NDUFA12: variants seen among roughly 807,000 people sequenced by gnomAD.
NDUFA12 encodes the protein NADH:ubiquinone oxidoreductase subunit A12.
In NDUFA12, 17 loss-of-function variants were observed where a neutral mutation model predicts 20.3. That is an observed-to-expected ratio of 0.84 (90% CI 0.57 to 1.26). The LOEUF (loss-of-function observed/expected upper bound fraction) is 1.26, where lower values mean the gene tolerates loss of function less well. Among genes scored for constraint, NDUFA12 ranks in the 50% most tolerant of loss-of-function variants. The pLI, the probability that NDUFA12 is intolerant of heterozygous loss-of-function variation, is 0.00. For missense variants in NDUFA12, 191 were observed against 183.7 expected, an observed-to-expected ratio of 1.04 and a Z score of -0.23; for synonymous variants, 72 against 63.6, an observed-to-expected ratio of 1.13 and a Z score of -0.63.
In NDUFA12 at chr12:94,971,339, C is replaced by G. The variant is rs1189115403; in HGVS notation, c.*101G>C. On this transcript the variant is annotated 3_prime_UTR_variant, in exon 4 of 4. Coordinates refer to ENST00000327772, the MANE Select transcript of NDUFA12 (RefSeq NM_018838.5). ...AAAGGCACGAAAGACATTGTTTAGTCACACAATTTTAATTGTGAATTATAG... is the reference window on the plus strand; with the variant it reads ...AAAGGCACGAAAGACATTGTTTAGTGACACAATTTTAATTGTGAATTATAG... The G allele has an allele frequency of 1.5e-6, 2 of 1,346,654 alleles. No homozygotes were observed. The highest frequency in any genetic ancestry group is 2.1e-6 in the Non-Finnish European group (2 of 943,980). The allele number at this position is 1,346,654 out of a possible 1,614,324, so 83.4% of individuals were successfully genotyped here.
chr12:94,989,678 C>G (rs1233311067), intron 3 of NDUFA12, among the ~76,000 whole-genome samples: 5 of 152,226 alleles, frequency 3.3e-5, no homozygotes, highest in African/African-American at 4.8e-5. Context: ...TGCCCTTAGG[C>G]ACCTGCTGGA....
rs572598340 is a variant in NDUFA12, at chr12:94,996,106, G to A, written c.170-1849C>T. On this transcript the variant is annotated intron_variant, in intron 2 of 3. Transcript: ENST00000327772. ...GCCTGTAGTCCCAGCTACTCTCAAG[G>A]CTGAGGTGAGAGGATCACTTGAGCA... Among the ~76,000 whole-genome samples the A allele has an allele frequency of 8.2e-4, 124 of 151,870 alleles. 1 individual carries two copies. Among genetic ancestry groups the A allele is most frequent in the Non-Finnish European group, 1.4e-3 (98 of 67,970 alleles).
At chr12:94,978,897 A>G (rs954421687) in intron 3 of NDUFA12, among the ~76,000 whole-genome samples, 1 of 152,216 alleles carries the variant, frequency 6.6e-6, no homozygotes, top group African/African-American at 2.4e-5. Flanking sequence ...AAACACTCGA[A>G]CTGACACAGT....
intron 3 of NDUFA12, among the ~76,000 whole-genome samples, chr12:94,980,922 C>T (rs1027052309): frequency 6.6e-6 from 1 of 151,896 alleles, no homozygotes. Context: ...TAATTTTATA[C>T]AGCCGTGCAT....
At chr12:94,990,411 C>T (rs1019676624) in intron 3 of NDUFA12, among the ~76,000 whole-genome samples, 3 of 152,112 alleles carry the variant, frequency 2.0e-5, no homozygotes, top group East Asian at 3.8e-4. Flanking sequence ...TGCTTTCTCA[C>T]GGTAAGAACC....
At chr12:94,977,670 G>C (rs1194406231) in intron 3 of NDUFA12, among the ~76,000 whole-genome samples, 1 of 152,092 alleles carries the variant, frequency 6.6e-6, no homozygotes, top group Non-Finnish European at 1.5e-5. Flanking sequence ...GAAGAAAACT[G>C]ATTATCATAC....
At chr12:94,996,627 G>A (rs1874841612) in intron 2 of NDUFA12, among the ~76,000 whole-genome samples, 1 of 151,740 alleles carries the variant, frequency 6.6e-6, no homozygotes, top group Non-Finnish European at 1.5e-5. Flanking sequence ...AGACCAGCCT[G>A]ACCAACATAG....
chr12:94,983,616 AATTGCTGTGAG>A (rs1874313932), intron 3 of NDUFA12, among the ~76,000 whole-genome samples: 1 of 152,176 alleles, frequency 6.6e-6, no homozygotes, highest in Admixed American at 6.5e-5. Flanking sequence ...GCTACACTCA[AATTGCTGTGAG>A]ATAACATTTA....
intron 3 of NDUFA12, among the ~76,000 whole-genome samples, chr12:94,975,030 A>G (rs980574204): frequency 1.1e-4 from 17 of 152,258 alleles, no homozygotes; most frequent in African/African-American, 4.1e-4. Flanking sequence ...GATTGTTTGT[A>G]ACACAAAGGA....
Position 94,971,431 on chromosome 12 carries a change from T to G in NDUFA12, c.*9A>C. ...ATATTTTGCATGTTTCAACTGTTCT[T>G]CATTGTCTTTACTTGTAAGGTGTTG... On this transcript the variant is annotated 3_prime_UTR_variant, in exon 4 of 4. Coordinates refer to ENST00000327772, the MANE Select transcript of NDUFA12 (RefSeq NM_018838.5). 6.2e-7 allele frequency: 1 copy of G among 1,613,528 alleles called. No homozygotes were observed. Among genetic ancestry groups the G allele is most frequent in the Non-Finnish European group, 8.5e-7 (1 of 1,179,404 alleles).
In NDUFA12 at chr12:94,971,458, A is replaced by C. The variant is rs753123680; in HGVS notation, c.420T>G (p.Pro140=). 1.2e-6 allele frequency: 2 copies of C among 1,614,188 alleles called. No individual in the cohort carries two copies. The highest frequency in any genetic ancestry group is 1.1e-5 in the South Asian group (1 of 91,084). The change falls in exon 4 of 4, where the codon CCT becomes CCG. Residue 140 remains proline, a synonymous_variant. Transcript: ENST00000327772. ...TRKKIQEWIP[P]STPYK is the part of the protein sequence containing the mutation. ...ATTGTCTTTACTTGTAAGGTGTTGA[A>C]GGTGGGATCCACTCCTGAATCTTCT...
In NDUFA12 at chr12:94,988,892, C is replaced by A. The variant is rs866114931; in HGVS notation, c.257+5278G>T. ...TGCTGATGCACTCTCAGGGTTCGAG[C>A]CGATACAAGAACCTTTCATCTTACA... On this transcript the variant is annotated intron_variant, in intron 3 of 3. Transcript: ENST00000327772. 2.0e-5 allele frequency among the ~76,000 whole-genome samples: 3 copies of A among 152,340 alleles called. 1 individual carries two copies. Among genetic ancestry groups the A allele is most frequent in the Middle Eastern group, 3.4e-3 (1 of 294 alleles).
At chr12:95,001,503 C>G (rs1450090246) in intron 2 of NDUFA12, among the ~76,000 whole-genome samples, 1 of 151,950 alleles carries the variant, frequency 6.6e-6, no homozygotes, top group East Asian at 1.9e-4. Flanking sequence ...TGACACATGC[C>G]TGTAATCCCA....
intron 3 of NDUFA12, among the ~76,000 whole-genome samples, chr12:94,990,213 T>G (rs1592703351): frequency 6.6e-6 from 1 of 151,336 alleles, no homozygotes. Flanking sequence ...ATCCTGCACA[T>G]GTACCCTGGA....
In NDUFA12 at chr12:94,994,229, A is replaced by G; in HGVS notation, c.198T>C (p.Thr66=). 6.2e-7 allele frequency: 1 copy of G among 1,614,238 alleles called. No homozygotes were observed. The highest frequency in any genetic ancestry group is 1.7e-4 in the Middle Eastern group (1 of 6,060). Reference sequence around the variant, plus strand: ...AGAATGTGTTTTTGCCATTCATTTCAGTAGTATATACAACCCATCGGTGAC... The same window carrying G: ...AGAATGTGTTTTTGCCATTCATTTCGGTAGTATATACAACCCATCGGTGAC... The part of the protein sequence containing the change: ...FGRHRWVVYT[T]EMNGKNTFWD... Residue 66 remains threonine (T), a synonymous_variant, in exon 3 of 4, where the codon ACT becomes ACC. Coordinates refer to ENST00000327772, the MANE Select transcript of NDUFA12 (RefSeq NM_018838.5).
At position 94,987,791 on chromosome 12, in the gene NDUFA12, C is replaced by CA. The variant is rs61711763; in HGVS notation, c.257+6378dup. On this transcript the variant is annotated intron_variant, in intron 3 of 3. Transcript: ENST00000327772. ...TGGGTGACAGGGCAGGACATTGTCT[C>CA]AAAAAAAAAAAAAAAAAAAAAAAAA... Among the ~76,000 whole-genome samples the CA allele has an allele frequency of 8.9e-3, 617 of 69,146 alleles. 6 individuals are homozygous for CA. Among genetic ancestry groups the CA allele is most frequent in the African/African-American group, 0.019 (327 of 16,842 alleles). The allele number at this position is 69,146 out of a possible 152,430, so 45.4% of individuals were successfully genotyped here. A position where few individuals can be genotyped will look rare whatever the true frequency, so the allele number is the denominator to read the frequency against.
chr12:94,983,221 T>A (rs1256031915), intron 3 of NDUFA12, among the ~76,000 whole-genome samples: 1 of 152,160 alleles, frequency 6.6e-6, no homozygotes, highest in Non-Finnish European at 1.5e-5. Context: ...CCCATCTTAC[T>A]TGGCACCCTC....
chr12:95,002,930 A>G (rs1038695100), intron 1 of NDUFA12, 109 bp from the exon 2 acceptor site: 2 of 905,312 alleles, frequency 2.2e-6, no homozygotes, highest in Non-Finnish European at 3.7e-6. Context: ...TGCTGCATCA[A>G]CTAGCAAAAT....
rs1565821049 is a variant in NDUFA12, at chr12:95,002,462, A to AG, written c.169+276_169+277insC. On this transcript the variant is annotated intron_variant, in intron 2 of 3. Transcript: ENST00000327772. ...CAAAAAAAAAAAAAAAAAAAAAAAA[A>AG]AAGAACAAAAACACTTCAAAATTTG... Among the ~76,000 whole-genome samples, 6 of 132,796 alleles carry AG rather than the reference A, an allele frequency of 4.5e-5. 1 individual carries two copies. Among genetic ancestry groups the AG allele is most frequent in the African/African-American group, 1.4e-4 (5 of 36,142 alleles). 87.1% of individuals were successfully genotyped at this position (132,796 alleles called of 152,430 possible).
Sources: allele counts gnomAD v4.1 joint callset (sites outside exome capture counted in the v4.1 genomes callset), GRCh38; gene constraint gnomAD v4.1.1; transcripts MANE v1.5; gene names NCBI Gene and HGNC (gene_info 2026-07-23, HGNC 2026-07-21).